Variants in SAXO1 observed in about 807,000 individuals in gnomAD.
SAXO1 encodes the protein stabilizer of axonemal microtubules 1, also known as 4930500O09Rik.
Under a neutral mutation model 17.5 loss-of-function variants are expected in SAXO1, and 21 were observed. The observed-to-expected ratio is 1.20, with a 90% CI of 0.85 to 1.72. The LOEUF is 1.72. Ranked by LOEUF, SAXO1 falls within the 40% of genes most tolerant of loss-of-function variation. The probability of loss-of-function intolerance (pLI) is 0.00; values close to 1 mark genes in which losing one functional copy is unlikely to be tolerated. For missense variants in SAXO1, 843 were observed against 596.0 expected (o/e 1.41, Z -4.32); for synonymous variants, 274 against 216.5 (o/e 1.27, Z -2.33).
intron 1 of SAXO1, among the ~76,000 whole-genome samples, chr9:19,002,196 G>T (rs1326588104): frequency 2.0e-5 from 3 of 152,128 alleles, no homozygotes; most frequent in Non-Finnish European, 2.9e-5. Context: ...ACTAAACCAG[G>T]AAGAAGTTGA....
intron 1 of SAXO1, among the ~76,000 whole-genome samples, chr9:18,986,960 G>A (rs1833619027): frequency 6.6e-6 from 1 of 152,194 alleles, no homozygotes; most frequent in Non-Finnish European, 1.5e-5. Flanking sequence ...GACTTCATGT[G>A]GGCTAGCTGT....
intron 1 of SAXO1, among the ~76,000 whole-genome samples, chr9:19,001,026 C>G (rs984543720): frequency 1.3e-5 from 2 of 152,102 alleles, no homozygotes; most frequent in East Asian, 1.9e-4. Flanking sequence ...TTAGACAGAT[C>G]AACGAGATCT....
intron 1 of SAXO1, among the ~76,000 whole-genome samples, chr9:19,021,478 T>C (rs1835230321): frequency 6.6e-6 from 1 of 152,188 alleles, no homozygotes; most frequent in African/African-American, 2.4e-5. Context: ...GCAGAGGCTG[T>C]AGAAGACCTC....
chr9:18,941,798 T>C lies in SAXO1; in HGVS notation c.260A>G (p.His87Arg), dbSNP rs761396483. 40 of 1,614,074 alleles carry C rather than the reference T, an allele frequency of 2.5e-5. No homozygotes were observed. The African/African-American group carries it at 3.9e-4, about 16-fold the overall frequency. Residue 87 changes from histidine (H) to arginine (R), a missense_variant, in exon 3 of 4, where the codon CAC becomes CGC. By Grantham distance (29) the His-to-Arg change is conservative. Coordinates refer to ENST00000380534, the MANE Select transcript of SAXO1 (RefSeq NM_153707.4). Reference sequence around the variant, plus strand: ...ACTCGGGACGAACTGGTCATACTGGTGGACCTTCACTGGTGCCACTTTGTG... The same window carrying C: ...ACTCGGGACGAACTGGTCATACTGGCGGACCTTCACTGGTGCCACTTTGTG... ...GPHKVAPVKV[H>R]QYDQFVPSEE...
chr9:18,997,394 G>C (rs1316110739), intron 1 of SAXO1, among the ~76,000 whole-genome samples: 1 of 152,238 alleles, frequency 6.6e-6, no homozygotes, highest in Non-Finnish European at 1.5e-5. Context: ...TAAGAGGAGG[G>C]GCATCTGCCA....
chr9:18,962,405 G>A (rs142574122), intron 1 of SAXO1, among the ~76,000 whole-genome samples: 2 of 152,318 alleles, frequency 1.3e-5, no homozygotes, highest in Non-Finnish European at 2.9e-5. Flanking sequence ...GACCAGTGAT[G>A]AGCTTTTTTT....
intron 1 of SAXO1, among the ~76,000 whole-genome samples, chr9:19,028,391 T>C (rs1163586820): frequency 6.6e-6 from 1 of 152,004 alleles, no homozygotes; most frequent in African/African-American, 2.4e-5. Context: ...AAATAAAAAA[T>C]AAAACTCTTC....
At position 18,928,057 on chromosome 9, in the gene SAXO1, C is replaced by G; in HGVS notation, c.1420G>C (p.Ala474Pro). ...NPNQRELEVL[A>P] ...TAAATTACTATTTTTCAAAATCAGG[C>G]TAACACTTCCAACTCCCTCTGGTTG... The change falls in exon 4 of 4, where the codon GCC becomes CCC. Residue 474 changes from alanine (A) to proline (P), a missense_variant. Ala to Pro is a conservative substitution (Grantham distance 27). Coordinates refer to ENST00000380534, the MANE Select transcript of SAXO1 (RefSeq NM_153707.4). 1 of 1,586,074 alleles carries G rather than the reference C, an allele frequency of 6.3e-7. No homozygotes were observed. The highest frequency in any genetic ancestry group is 1.1e-5 in the South Asian group (1 of 88,470).
chr9:18,933,875 T>C (rs538013738), intron 3 of SAXO1, among the ~76,000 whole-genome samples: 5 of 152,164 alleles, frequency 3.3e-5, no homozygotes, highest in African/African-American at 4.8e-5. Context: ...TGAAACCCTG[T>C]CTCTACTAAA....
intron 1 of SAXO1, among the ~76,000 whole-genome samples, chr9:19,001,611 G>A (rs1011579370): frequency 2.0e-5 from 3 of 150,550 alleles, no homozygotes; most frequent in Admixed American, 2.0e-4. Context: ...AGCTTGCACT[G>A]AGCCGAGATC....
At chr9:18,949,829 A>G (rs1831955659) in intron 2 of SAXO1, among the ~76,000 whole-genome samples, 1 of 152,234 alleles carries the variant, frequency 6.6e-6, no homozygotes, top group Admixed American at 6.5e-5. Flanking sequence ...ACCAGGTCTG[A>G]GGCACCGATG....
intron 1 of SAXO1, among the ~76,000 whole-genome samples, chr9:18,975,364 G>T (rs778519656): frequency 1.3e-5 from 2 of 152,178 alleles, no homozygotes; most frequent in Non-Finnish European, 2.9e-5. Flanking sequence ...GGACGATGTG[G>T]CACACCTGCT....
At chr9:18,973,638 G>A (rs1833031378) in intron 1 of SAXO1, among the ~76,000 whole-genome samples, 2 of 152,186 alleles carry the variant, frequency 1.3e-5, no homozygotes, top group South Asian at 2.1e-4. Flanking sequence ...ACTGATTCCA[G>A]ACCAGAGTTT....
At chr9:18,992,681 G>C (rs1207678207) in intron 1 of SAXO1, among the ~76,000 whole-genome samples, 3 of 152,194 alleles carry the variant, frequency 2.0e-5, no homozygotes, top group Admixed American at 6.5e-5. Context: ...AAGTGAGAGA[G>C]TTTGGAGACA....
intron 3 of SAXO1, among the ~76,000 whole-genome samples, chr9:18,930,500 C>CTTTTTTTTTTT (rs55974011): frequency 1.4e-5 from 2 of 146,360 alleles, no homozygotes. Context: ...ACTGCTGGAA[C>CTTTTTTTTTTT]TTTTTTTTTT....
chr9:18,943,382 A>G lies in SAXO1; in HGVS notation c.219-1543T>C, dbSNP rs77795701. Among the ~76,000 whole-genome samples the G allele has an allele frequency of 3.9e-5, 6 of 152,296 alleles. No individual in the cohort carries two copies. In the East Asian group the frequency reaches 1.2e-3, roughly 29 times the overall value. On this transcript the variant is annotated intron_variant, in intron 2 of 3. Coordinates refer to ENST00000380534, the MANE Select transcript of SAXO1 (RefSeq NM_153707.4). ...ATATCGGGGCTTATGGAGGGAATGGACTGAACAAGCAGCCAAGGGTCAGCT... is the reference window on the plus strand; with the variant it reads ...ATATCGGGGCTTATGGAGGGAATGGGCTGAACAAGCAGCCAAGGGTCAGCT...
chr9:19,013,842 C>T (rs1834855045), intron 1 of SAXO1, among the ~76,000 whole-genome samples: 1 of 152,112 alleles, frequency 6.6e-6, no homozygotes. Flanking sequence ...GCGCCACGCC[C>T]AGCCCAGATA....
chr9:18,950,656 A>G, intron 2 of SAXO1, 102 bp downstream of exon 2: 1 of 973,888 alleles, frequency 1.0e-6, no homozygotes, highest in Non-Finnish European at 1.5e-6. Flanking sequence ...CTGCACATTA[A>G]TGCATTAGCA....
At chr9:19,012,769 T>C (rs145507589) in intron 1 of SAXO1, among the ~76,000 whole-genome samples, 2 of 152,320 alleles carry the variant, frequency 1.3e-5, no homozygotes, top group Admixed American at 1.3e-4. Flanking sequence ...AATGAGTTTC[T>C]AGGCACTCTC....
Sources: gnomAD v4.1 joint callset for allele counts (sites outside exome capture counted in the v4.1 genomes callset) on GRCh38, gnomAD v4.1.1 for gene constraint, MANE v1.5 for transcripts, NCBI Gene and HGNC (gene_info 2026-07-23, HGNC 2026-07-21) for gene names.